The following DHRSX variants were observed in gnomAD, a reference collection of about 807,000 sequenced individuals.
DHRSX encodes polyprenol dehydrogenase.
A neutral mutation model predicts 34.0 loss-of-function variants in DHRSX; 31 were observed. The observed-to-expected ratio is 0.91, with a 90% CI of 0.69 to 1.23. The LOEUF (loss-of-function observed/expected upper bound fraction) is 1.23, where lower values mean the gene tolerates loss of function less well. Among genes scored for constraint, DHRSX ranks in the 50% most tolerant of loss-of-function variants. The pLI is 0.00. For missense variants in DHRSX, 414 were observed against 428.1 expected, an observed-to-expected ratio of 0.97 and a Z score of 0.29; for synonymous variants, 201 against 183.8, an observed-to-expected ratio of 1.09 and a Z score of -0.76.
chrX:2,407,647 C>G (rs2043573319), intron 3 of DHRSX, among the ~76,000 whole-genome samples: 1 of 152,184 alleles, frequency 6.6e-6, no homozygotes, highest in Non-Finnish European at 1.5e-5. Flanking sequence ...TCTGGCCTCC[C>G]AAGAAGGTTT....
rs755531171 is a variant in DHRSX at position 2,298,776 on chromosome X, G to A, written c.287-7173C>T. ...CGAGGCGGGCGGATCACCTGAGGTC[G>A]GGAGTTCAAGACCAGCCTGGCCAAC... On this transcript the variant is annotated intron_variant, in intron 3 of 6. Coordinates refer to ENST00000334651, the MANE Select transcript of DHRSX (RefSeq NM_145177.3). Among the ~76,000 whole-genome samples, 66 of 151,678 alleles carry A rather than the reference G, an allele frequency of 4.4e-4. No individual in the cohort carries two copies. The Middle Eastern group carries it at 0.01, about 23-fold the overall frequency.
chrX:2,489,183 AGCC>A, intron 1 of DHRSX: 2 of 1,613,688 alleles, frequency 1.2e-6, no homozygotes, highest in African/African-American at 1.3e-5. Context: ...GCCGGCCGGT[AGCC>A]GCCGTCTTTG....
At chrX:2,361,369 T>A (rs1165251178) in intron 3 of DHRSX, among the ~76,000 whole-genome samples, 1 of 152,086 alleles carries the variant, frequency 6.6e-6, no homozygotes, top group Non-Finnish European at 1.5e-5. Flanking sequence ...CCTCCCAAAG[T>A]GCCAGGATTA....
At chrX:2,319,845 C>T (rs757722631) in intron 3 of DHRSX, among the ~76,000 whole-genome samples, 61 of 151,822 alleles carry the variant, frequency 4.0e-4, no homozygotes, top group African/African-American at 1.4e-3. Flanking sequence ...CATATTTTTT[C>T]GAGGTGGAGT....
At chrX:2,496,879 A>T (rs891554242) in intron 1 of DHRSX, among the ~76,000 whole-genome samples, 6 of 148,840 alleles carry the variant, frequency 4.0e-5, no homozygotes, top group Non-Finnish European at 5.9e-5. Context: ...TTATTCTAAA[A>T]ATATATATAT....
chrX:2,396,240 A>G (rs192616011), intron 3 of DHRSX, among the ~76,000 whole-genome samples: 4 of 152,246 alleles, frequency 2.6e-5, no homozygotes, highest in East Asian at 1.9e-4. Context: ...TGAGATCCTT[A>G]ACTAATTACA....
chrX:2,226,460 G>A (rs1175633871), intron 6 of DHRSX, among the ~76,000 whole-genome samples: 1 of 152,036 alleles, frequency 6.6e-6, no homozygotes, highest in African/African-American at 2.4e-5. Context: ...CTAATGCCAC[G>A]TTCTGCAAAG....
chrX:2,229,018 G>A (rs2015802604), intron 6 of DHRSX, among the ~76,000 whole-genome samples: 1 of 152,170 alleles, frequency 6.6e-6, no homozygotes, highest in African/African-American at 2.4e-5. Flanking sequence ...GGCTAGCAGG[G>A]CTTGGGCGGC....
intron 1 of DHRSX, among the ~76,000 whole-genome samples, chrX:2,438,881 T>C (rs2044029848): frequency 6.6e-6 from 1 of 152,034 alleles, no homozygotes; most frequent in Admixed American, 6.6e-5. Context: ...TTGTGGTGGC[T>C]CACACCTGTA....
chrX:2,314,027 C>G (rs1231581400), intron 3 of DHRSX, among the ~76,000 whole-genome samples: 2 of 151,536 alleles, frequency 1.3e-5, no homozygotes, highest in Non-Finnish European at 2.9e-5. Flanking sequence ...TTGTGGGAAC[C>G]AAGTTTTATT....
rs143360079 is a variant in DHRSX at position 2,356,580 on chromosome X, A to G, written c.286+52165T>C. ...CTGGGAGAAAGAGACACAGAAACAT[A>G]GTTGATCCTTCACAGGTTTGGACTG... On this transcript the variant is annotated intron_variant, in intron 3 of 6. Coordinates refer to ENST00000334651, the MANE Select transcript of DHRSX (RefSeq NM_145177.3). Among the ~76,000 whole-genome samples, 445 of 152,266 alleles carry G rather than the reference A, an allele frequency of 2.9e-3. 2 individuals are homozygous for G. The highest frequency in any genetic ancestry group is 0.01 in the African/African-American group (429 of 41,568).
chrX:2,365,126 C>G (rs112451963), intron 3 of DHRSX, among the ~76,000 whole-genome samples: 3 of 152,176 alleles, frequency 2.0e-5, no homozygotes, highest in African/African-American at 7.2e-5. Flanking sequence ...AGAGCTTCTG[C>G]ACAGCAAAAG....
At chrX:2,451,210 G>A (rs1249750039) in intron 1 of DHRSX, among the ~76,000 whole-genome samples, 1 of 150,652 alleles carries the variant, frequency 6.6e-6, no homozygotes, top group Non-Finnish European at 1.5e-5. Flanking sequence ...TCCAGCCTGG[G>A]CAATACAGCA....
At chrX:2,302,374 G>A (rs1030937582) in intron 3 of DHRSX, among the ~76,000 whole-genome samples, 1 of 152,134 alleles carries the variant, frequency 6.6e-6, no homozygotes, top group Admixed American at 6.6e-5. Context: ...CACTTTGGGA[G>A]GCCAAAGCGG....
chrX:2,245,184 A>C (rs1319077518), intron 5 of DHRSX, among the ~76,000 whole-genome samples: 1 of 152,144 alleles, frequency 6.6e-6, no homozygotes, highest in Non-Finnish European at 1.5e-5. Context: ...AGATAGATGC[A>C]TATCTGATCA....
intron 3 of DHRSX, among the ~76,000 whole-genome samples, chrX:2,319,196 TCCCTCTTCGTCCC>T (rs1348763618): frequency 6.7e-6 from 1 of 150,082 alleles, no homozygotes; most frequent in African/African-American, 2.5e-5. Context: ...TGACTCCTCC[TCCCTCTTCGTCCC>T]CCCTCCTCCC....
At chrX:2,428,443 A>G (rs995170928) in intron 1 of DHRSX, among the ~76,000 whole-genome samples, 4 of 152,314 alleles carry the variant, frequency 2.6e-5, no homozygotes, top group African/African-American at 9.6e-5. Context: ...TGCAGCCATA[A>G]AAAAGGATGG....
At chrX:2,334,352 A>T (rs2042524047) in intron 3 of DHRSX, 1 of 151,714 alleles carries the variant, frequency 6.6e-6, no homozygotes, top group Non-Finnish European at 1.5e-5. Context: ...TTTAGTAGAG[A>T]CGGAGTTTCA....
At chrX:2,344,604 T>A (rs1232040711) in intron 3 of DHRSX, among the ~76,000 whole-genome samples, 1 of 151,750 alleles carries the variant, frequency 6.6e-6, no homozygotes, top group Non-Finnish European at 1.5e-5. Context: ...CTCAGCAAAC[T>A]AACACAAGAA....
Sources: allele counts gnomAD v4.1 joint callset (sites outside exome capture counted in the v4.1 genomes callset), GRCh38; gene constraint gnomAD v4.1.1; transcripts MANE v1.5; gene names NCBI Gene and HGNC (gene_info 2026-07-23, HGNC 2026-07-21).